ATP9B: variants seen among roughly 807,000 people sequenced by gnomAD.
ATP9B encodes ATPase phospholipid transporting 9B.
A neutral mutation model predicts 146.1 loss-of-function variants in ATP9B; 110 were observed. The observed-to-expected ratio is 0.75, with a 90% CI of 0.65 to 0.88. ATP9B has a LOEUF of 0.88. Ranked by LOEUF, ATP9B falls within the 40% of genes least tolerant of loss-of-function variation. The probability of loss-of-function intolerance (pLI) is 0.00; values close to 1 mark genes in which losing one functional copy is unlikely to be tolerated. For missense variants in ATP9B, 1,499 were observed against 1,496.4 expected (o/e 1.00, Z -0.03); for synonymous variants, 604 against 569.7 (o/e 1.06, Z -0.86).
At chr18:79,095,619 T>G (rs1000438349) in intron 1 of ATP9B, 4 of 152,242 alleles carry the variant, frequency 2.6e-5, no homozygotes, top group Admixed American at 2.6e-4. Context: ...TATAAATGAC[T>G]GCCTTTATCC....
chr18:79,323,404 G>T (rs531601197), intron 15 of ATP9B, among the ~76,000 whole-genome samples: 2 of 152,164 alleles, frequency 1.3e-5, no homozygotes, highest in Admixed American at 1.3e-4. Context: ...CTGTATTTTT[G>T]TACCCATTCA....
intron 1 of ATP9B, among the ~76,000 whole-genome samples, chr18:79,090,567 G>A (rs1243268480): frequency 6.6e-6 from 1 of 152,146 alleles, no homozygotes; most frequent in Non-Finnish European, 1.5e-5. Flanking sequence ...TGATTTGTAT[G>A]TCTTCTTTTG....
intron 5 of ATP9B, among the ~76,000 whole-genome samples, chr18:79,140,380 A>G (rs1409080986): frequency 2.6e-5 from 4 of 152,186 alleles, no homozygotes; most frequent in Admixed American, 6.5e-5. Flanking sequence ...ATTTGGAATT[A>G]GGGAAATTAT....
In ATP9B at chr18:79,307,006, A is replaced by C. The variant is rs1168432892; in HGVS notation, c.1545A>C (p.Gly515=). 1 of 1,614,078 alleles carries C rather than the reference A, an allele frequency of 6.2e-7. No individual in the cohort carries two copies. Among genetic ancestry groups the C allele is most frequent in the Non-Finnish European group, 8.5e-7 (1 of 1,180,016 alleles). Reference sequence around the variant, plus strand: ...TAAAGATGCAGTCTCAAGCTGGTGGAAACAATACTGGTTCAACTCCACTAA... The same window carrying C: ...TAAAGATGCAGTCTCAAGCTGGTGGCAACAATACTGGTTCAACTCCACTAA... ...SYSQMQSQAG[G]NNTGSTPLRK... Residue 515 remains glycine (G), a synonymous_variant, in exon 15 of 30, where the codon GGA becomes GGC. Coordinates refer to ENST00000426216, the MANE Select transcript of ATP9B (RefSeq NM_198531.5).
chr18:79,372,944 A>G (rs557384169), intron 27 of ATP9B, 62 bp downstream of exon 27: 3 of 1,251,238 alleles, frequency 2.4e-6, no homozygotes, highest in East Asian at 2.3e-5. Flanking sequence ...TTTTGTTAGC[A>G]ATATTGTTTT....
chr18:79,243,180 G>A (rs1047568390), intron 11 of ATP9B, among the ~76,000 whole-genome samples: 2 of 152,240 alleles, frequency 1.3e-5, no homozygotes, highest in African/African-American at 4.8e-5. Flanking sequence ...TTAAGCAGAT[G>A]TGTGGGCGGA....
At chr18:79,329,818 G>C (rs1188261234) in intron 16 of ATP9B, among the ~76,000 whole-genome samples, 194 bp from the exon 17 acceptor site, 4 of 152,210 alleles carry the variant, frequency 2.6e-5, no homozygotes, top group African/African-American at 9.7e-5. Flanking sequence ...GCACAATTAT[G>C]TTCTCAGTCC....
intron 1 of ATP9B, among the ~76,000 whole-genome samples, chr18:79,090,833 G>A (rs1365112722): frequency 6.6e-6 from 1 of 152,056 alleles, no homozygotes. Flanking sequence ...TGCTTGAGGG[G>A]TATTGCCGAA....
At chr18:79,073,165 G>T (rs1462830911) in intron 1 of ATP9B, among the ~76,000 whole-genome samples, 3 of 152,034 alleles carry the variant, frequency 2.0e-5, no homozygotes, top group Non-Finnish European at 4.4e-5. Flanking sequence ...GGGCAGACGG[G>T]CTCCTCACAT....
intron 25 of ATP9B, 56 bp downstream of exon 25, chr18:79,348,252 A>T: frequency 3.8e-5 from 13 of 344,314 alleles, no homozygotes; most frequent in African/African-American, 8.2e-5. Context: ...TATTTTGAAA[A>T]AAAAAAAAAA....
At chr18:79,334,590 G>A (rs2096810690) in intron 17 of ATP9B, among the ~76,000 whole-genome samples, 1 of 151,828 alleles carries the variant, frequency 6.6e-6, no homozygotes, top group African/African-American at 2.4e-5. Flanking sequence ...GGGGGGTGGG[G>A]TTGTCTCCTG....
intron 6 of ATP9B, among the ~76,000 whole-genome samples, chr18:79,152,201 T>A (rs2094700866): frequency 6.6e-6 from 1 of 152,158 alleles, no homozygotes; most frequent in Non-Finnish European, 1.5e-5. Context: ...TGTGGAGAAA[T>A]AGGAACGCTT....
At chr18:79,297,493 C>T (rs182241839) in intron 13 of ATP9B, among the ~76,000 whole-genome samples, 58 of 152,338 alleles carry the variant, frequency 3.8e-4, no homozygotes, top group African/African-American at 1.1e-3. Context: ...ATTAAATACA[C>T]ATTTTATATA....
At chr18:79,271,484 C>T (rs1212268908) in intron 12 of ATP9B, among the ~76,000 whole-genome samples, 2 of 150,806 alleles carry the variant, frequency 1.3e-5, no homozygotes, top group Admixed American at 6.6e-5. Context: ...TGAGAACATG[C>T]GGTGTTTGGT....
At chr18:79,232,666 T>A (rs1048261548) in intron 11 of ATP9B, among the ~76,000 whole-genome samples, 1 of 152,194 alleles carries the variant, frequency 6.6e-6, no homozygotes, top group African/African-American at 2.4e-5. Context: ...TGACGCAGAT[T>A]TTTGGAATGA....
intron 14 of ATP9B, 27 bp downstream of exon 14, chr18:79,303,743 C>T (rs1334028665): frequency 6.4e-7 from 1 of 1,554,872 alleles, no homozygotes; most frequent in Non-Finnish European, 8.9e-7. Context: ...TGCACGGGGT[C>T]TGCTTCCACA....
At chr18:79,325,076 G>A (rs1290015186) in intron 15 of ATP9B, among the ~76,000 whole-genome samples, 2 of 152,186 alleles carry the variant, frequency 1.3e-5, no homozygotes, top group Admixed American at 6.5e-5. Flanking sequence ...CAACCCCTGA[G>A]CCCCTCTCCC....
At position 79,121,452 on chromosome 18, in the gene ATP9B, A is replaced by G. The variant is rs1411076788; in HGVS notation, c.559-4815A>G. On this transcript the variant is annotated intron_variant, in intron 4 of 29. Coordinates refer to ENST00000426216, the MANE Select transcript of ATP9B (RefSeq NM_198531.5). ...GGTACCGAGGTAATGGGAAGATCCA[A>G]GTGCTCCTACAGTAAGACTTGCTTA... Among the ~76,000 whole-genome samples the G allele has an allele frequency of 2.6e-5, 4 of 152,206 alleles. No homozygotes were observed. In the South Asian group the frequency reaches 8.3e-4, roughly 32 times the overall value.
At chr18:79,119,092 GC>G (rs2094144282) in intron 4 of ATP9B, among the ~76,000 whole-genome samples, 1 of 146,178 alleles carries the variant, frequency 6.8e-6, no homozygotes, top group South Asian at 2.1e-4. Flanking sequence ...AAAAAAAATT[GC>G]CTTGTGGGTT....
Sources: gnomAD v4.1 joint callset for allele counts (sites outside exome capture counted in the v4.1 genomes callset) on GRCh38, gnomAD v4.1.1 for gene constraint, MANE v1.5 for transcripts, NCBI Gene and HGNC (gene_info 2026-07-23, HGNC 2026-07-21) for gene names.